PIK3C3: variants seen among roughly 807,000 people sequenced by gnomAD.
PIK3C3 encodes phosphatidylinositol 3-kinase catalytic subunit type 3.
Under a neutral mutation model 126.1 loss-of-function variants are expected in PIK3C3, and 95 were observed. The ratio of observed to expected loss-of-function variants is 0.75; its 90% CI spans 0.64 to 0.89. PIK3C3 has a LOEUF of 0.89. Among genes scored for constraint, PIK3C3 ranks in the 40% least tolerant of loss-of-function variants. The pLI, the probability that PIK3C3 is intolerant of heterozygous loss-of-function variation, is 0.00. For missense variants in PIK3C3, 829 were observed against 1,063.2 expected, an observed-to-expected ratio of 0.78 and a Z score of 3.06; for synonymous variants, 374 against 360.0, an observed-to-expected ratio of 1.04 and a Z score of -0.44.
chr18:42,045,780 G>A (rs1025567314), intron 20 of PIK3C3, among the ~76,000 whole-genome samples: 1 of 152,050 alleles, frequency 6.6e-6, no homozygotes, highest in Non-Finnish European at 1.5e-5. Context: ...CCATTAGTAC[G>A]TTATTACATG....
At position 42,076,103 on chromosome 18, in the gene PIK3C3, T is replaced by TATGCAC. The variant is rs1555643338; in HGVS notation, c.2650-5018_2650-5017insGCACAT. On this transcript the variant is annotated intron_variant, in intron 24 of 24. Transcript: ENST00000262039. ...GCTTTACCTTGCATATATATATATA[T>TATGCAC]ATATATATATATATATATGCGCATA... 3.0e-5 allele frequency among the ~76,000 whole-genome samples: 2 copies of TATGCAC among 66,578 alleles called. 1 individual carries two copies. Among genetic ancestry groups the TATGCAC allele is most frequent in the African/African-American group, 1.6e-4 (2 of 12,750 alleles). 43.7% of individuals were successfully genotyped at this position (66,578 alleles called of 152,430 possible). A position where few individuals can be genotyped will look rare whatever the true frequency, so the allele number is the denominator to read the frequency against.
At chr18:42,052,344 G>T (rs1374970566) in intron 21 of PIK3C3, among the ~76,000 whole-genome samples, 1 of 152,072 alleles carries the variant, frequency 6.6e-6, no homozygotes, top group African/African-American at 2.4e-5. Context: ...CTCCAGATTT[G>T]CTTTTTCAAA....
chr18:42,066,502 G>A (rs1008129418), intron 23 of PIK3C3, among the ~76,000 whole-genome samples: 4 of 152,136 alleles, frequency 2.6e-5, no homozygotes, highest in Admixed American at 6.5e-5. Context: ...GTGTGGTGGC[G>A]TAGGATTGTC....
At chr18:42,052,182 T>C (rs1489040500) in intron 21 of PIK3C3, among the ~76,000 whole-genome samples, 3 of 152,044 alleles carry the variant, frequency 2.0e-5, no homozygotes, top group African/African-American at 7.2e-5. Flanking sequence ...TATGTGTGTT[T>C]TGATGGGGGT....
Position 42,074,692 on chromosome 18 carries a change from T to A in PIK3C3, c.2650-6431T>A, listed in dbSNP as rs186993722. 9.8e-5 allele frequency among the ~76,000 whole-genome samples: 15 copies of A among 152,308 alleles called. No homozygotes were observed. The East Asian group carries it at 2.9e-3, about 29-fold the overall frequency. The stretch of plus-strand genomic sequence containing the variant: ...ATATGTGTGTTTTGTTTTTATAGCA[T>A]TACTTTATTCATACTAACTTTCCAT... On this transcript the variant is annotated intron_variant, in intron 24 of 24. Coordinates refer to ENST00000262039, the MANE Select transcript of PIK3C3 (RefSeq NM_002647.4).
intron 4 of PIK3C3, among the ~76,000 whole-genome samples, chr18:41,979,663 G>C (rs562741168): frequency 3.3e-5 from 5 of 152,144 alleles, no homozygotes; most frequent in South Asian, 4.2e-4. Flanking sequence ...ACGCTTTTAA[G>C]ATTAGTAGAA....
intron 22 of PIK3C3, among the ~76,000 whole-genome samples, chr18:42,062,439 T>C: frequency 7.4e-6 from 1 of 135,866 alleles, no homozygotes; most frequent in Non-Finnish European, 1.6e-5. Flanking sequence ...CATTATGAGA[T>C]TTTTTTTTTT....
Position 41,956,056 on chromosome 18 carries a change from A to T in PIK3C3, c.68+697A>T, listed in dbSNP as rs1979755674. 2.0e-5 allele frequency among the ~76,000 whole-genome samples: 3 copies of T among 152,218 alleles called. No homozygotes were observed. In the South Asian group the frequency reaches 6.2e-4, roughly 32 times the overall value. ...TAATGACGAGGGATGCACAAGACAGAGTTGGAAATTATGTCCCTTTTAAGG... is the reference window on the plus strand; with the variant it reads ...TAATGACGAGGGATGCACAAGACAGTGTTGGAAATTATGTCCCTTTTAAGG... On this transcript the variant is annotated intron_variant, in intron 1 of 24. Transcript: ENST00000262039.
chr18:41,959,120 C>A (rs1011499716), intron 2 of PIK3C3, among the ~76,000 whole-genome samples: 1 of 152,028 alleles, frequency 6.6e-6, no homozygotes. Flanking sequence ...GGACAGAGCT[C>A]AAAGCTTTAA....
intron 6 of PIK3C3, among the ~76,000 whole-genome samples, chr18:41,991,832 TATTA>T (rs537544934): frequency 6.8e-4 from 103 of 152,320 alleles, no homozygotes; most frequent in African/African-American, 2.4e-3. Flanking sequence ...TAACATTGTT[TATTA>T]ATTTATTAGA....
chr18:42,045,432 A>G (rs565341376), intron 20 of PIK3C3, among the ~76,000 whole-genome samples: 24 of 152,310 alleles, frequency 1.6e-4, no homozygotes, highest in African/African-American at 5.8e-4. Flanking sequence ...CTAAAGGCTC[A>G]ACTAGGCTGA....
intron 9 of PIK3C3, among the ~76,000 whole-genome samples, chr18:41,999,610 A>G (rs1047322732): frequency 3.9e-5 from 6 of 152,222 alleles, no homozygotes; most frequent in Admixed American, 6.5e-5. Context: ...GCTTTCAGGT[A>G]TCATGTCCTT....
intron 16 of PIK3C3, among the ~76,000 whole-genome samples, chr18:42,035,092 A>G (rs1983990098): frequency 1.3e-5 from 2 of 152,176 alleles, no homozygotes; most frequent in Non-Finnish European, 2.9e-5. Flanking sequence ...ACAGATTACA[A>G]CCTGCAAGTT....
intron 9 of PIK3C3, among the ~76,000 whole-genome samples, chr18:42,001,274 A>G (rs1982275861): frequency 6.6e-6 from 1 of 152,226 alleles, no homozygotes; most frequent in Non-Finnish European, 1.5e-5. Context: ...TACATTCATT[A>G]ACTTAGTCTT....
intron 6 of PIK3C3, among the ~76,000 whole-genome samples, chr18:41,991,575 C>T (rs1229717766): frequency 2.0e-5 from 3 of 152,054 alleles, no homozygotes; most frequent in Admixed American, 1.3e-4. Context: ...ATTAAATTTA[C>T]ATTTTATTGT....
chr18:42,034,527 T>A (rs1161885152), intron 16 of PIK3C3, among the ~76,000 whole-genome samples: 2 of 152,224 alleles, frequency 1.3e-5, no homozygotes, highest in Admixed American at 1.3e-4. Context: ...CTGATATCTG[T>A]TCCTGTTGAA....
intron 21 of PIK3C3, among the ~76,000 whole-genome samples, chr18:42,054,106 C>G (rs1417127650): frequency 1.1e-5 from 1 of 89,102 alleles, no homozygotes; most frequent in Non-Finnish European, 2.2e-5. Flanking sequence ...ACAGGGTTCT[C>G]TAGAGGGACA....
chr18:42,080,000 T>A (rs28424237), intron 24 of PIK3C3, among the ~76,000 whole-genome samples: 11,020 of 67,236 alleles, frequency 0.16, 1,199 homozygotes, highest in African/African-American at 0.48. Context: ...AGAGAGAGAG[T>A]GTGTGTGTGT....
intron 24 of PIK3C3, among the ~76,000 whole-genome samples, chr18:42,071,091 G>GT (rs1985754282): frequency 6.6e-6 from 1 of 152,124 alleles, no homozygotes; most frequent in Non-Finnish European, 1.5e-5. Context: ...AGGATAGATT[G>GT]TTGATAACCT....
Sources: gnomAD v4.1 joint callset for allele counts (sites outside exome capture counted in the v4.1 genomes callset) on GRCh38, gnomAD v4.1.1 for gene constraint, MANE v1.5 for transcripts, NCBI Gene and HGNC (gene_info 2026-07-23, HGNC 2026-07-21) for gene names.